The following TRPC3 variants were observed in gnomAD, a reference collection of about 807,000 sequenced individuals.
TRPC3 encodes short transient receptor potential channel 3.
Under a neutral mutation model 90.9 loss-of-function variants are expected in TRPC3, and 54 were observed. The ratio of observed to expected loss-of-function variants is 0.59; its 90% CI spans 0.48 to 0.75. TRPC3 has a LOEUF of 0.75. Among genes scored for constraint, TRPC3 ranks in the 30% least tolerant of loss-of-function variants. The pLI, the probability that TRPC3 is intolerant of heterozygous loss-of-function variation, is 0.00. For missense variants in TRPC3, 918 were observed against 1,194.5 expected (o/e 0.77, Z 3.41); for synonymous variants, 424 against 450.9 (o/e 0.94, Z 0.75).
chr4:121,893,118 CACA>C (rs1728388348), intron 10 of TRPC3, among the ~76,000 whole-genome samples: 1 of 53,546 alleles, frequency 1.9e-5, no homozygotes, highest in African/African-American at 7.2e-5. Flanking sequence ...CAGACTCTGT[CACA>C]AAAAAAAAAA....
chr4:121,881,398 C>T (rs549472532), intron 11 of TRPC3, among the ~76,000 whole-genome samples: 1 of 151,960 alleles, frequency 6.6e-6, no homozygotes, highest in South Asian at 2.1e-4. Context: ...TCCCTCTCCA[C>T]CCCCCATGGA....
intron 9 of TRPC3, among the ~76,000 whole-genome samples, chr4:121,900,517 CTT>C (rs1425277533): frequency 6.6e-6 from 1 of 152,176 alleles, no homozygotes; most frequent in African/African-American, 2.4e-5. Flanking sequence ...CATTTGTTCT[CTT>C]ACAATTGTGC....
At chr4:121,915,710 G>A (rs528574792) in intron 3 of TRPC3, among the ~76,000 whole-genome samples, 10 of 151,088 alleles carry the variant, frequency 6.6e-5, no homozygotes, top group South Asian at 2.1e-4. Flanking sequence ...TTTTTTTCCC[G>A]TTTGATTTTG....
intron 2 of TRPC3, among the ~76,000 whole-genome samples, chr4:121,926,581 A>G (rs1015948774): frequency 6.6e-6 from 1 of 151,442 alleles, no homozygotes; most frequent in Non-Finnish European, 1.5e-5. Context: ...TATCTTTTGT[A>G]TTTTCAGTAG....
Position 121,911,924 on chromosome 4 carries a change from G to T in TRPC3, c.1511C>A (p.Thr504Asn). The change falls in exon 5 of 12, where the codon ACC (threonine) becomes AAC (asparagine). Residue 504 changes from threonine (T) to asparagine (N), a missense_variant. Physicochemically the swap from Thr to Asn is moderately conservative, Grantham distance 65. Transcript: ENST00000379645. ...DYPKQIFRVK[T>N]TQFTWTEMLI... Reference sequence around the variant, plus strand: ...CATTTCAGTCCATGTAAACTGGGTGGTTTTCACCCTGAAGATCTGTTTGGG... The same window carrying T: ...CATTTCAGTCCATGTAAACTGGGTGTTTTTCACCCTGAAGATCTGTTTGGG... The T allele has an allele frequency of 6.2e-7, 1 of 1,613,804 alleles. No individual in the cohort carries two copies. The highest frequency in any genetic ancestry group is 8.5e-7 in the Non-Finnish European group (1 of 1,179,786).
intron 10 of TRPC3, among the ~76,000 whole-genome samples, chr4:121,898,412 C>T (rs1216689084): frequency 6.6e-6 from 1 of 152,140 alleles, no homozygotes; most frequent in Non-Finnish European, 1.5e-5. Context: ...ATTGTGAACC[C>T]TATTGTGAAC....
At position 121,896,794 on chromosome 4, in the gene TRPC3, C is replaced by A. The variant is rs76809873; in HGVS notation, c.2547+2818G>T. 1.7e-3 allele frequency among the ~76,000 whole-genome samples: 254 copies of A among 152,076 alleles called. 1 individual carries two copies. Among genetic ancestry groups the A allele is most frequent in the African/African-American group, 5.7e-3 (237 of 41,494 alleles). ...TATTCACAGAAATAGAAATAATATCCTAAAATTTGTAGGGAATCATAAAAG... is the reference window on the plus strand; with the variant it reads ...TATTCACAGAAATAGAAATAATATCATAAAATTTGTAGGGAATCATAAAAG... On this transcript the variant is annotated intron_variant, in intron 10 of 11. Transcript: ENST00000379645.
chr4:121,898,960 C>T (rs969456582), intron 10 of TRPC3, among the ~76,000 whole-genome samples: 1 of 152,126 alleles, frequency 6.6e-6, no homozygotes, highest in Admixed American at 6.5e-5. Context: ...GAACAATACG[C>T]AGTAACGGAC....
At chr4:121,948,062 A>G (rs1446209797) in intron 1 of TRPC3, among the ~76,000 whole-genome samples, 1 of 152,074 alleles carries the variant, frequency 6.6e-6, no homozygotes, top group Non-Finnish European at 1.5e-5. Flanking sequence ...GAGTAATCTC[A>G]TGTAGTCACA....
intron 1 of TRPC3, among the ~76,000 whole-genome samples, chr4:121,949,041 C>T (rs763068141): frequency 3.3e-5 from 5 of 152,178 alleles, no homozygotes; most frequent in Non-Finnish European, 7.3e-5. Context: ...TGCAAATATG[C>T]ACGCTTGAGA....
At chr4:121,927,886 T>C (rs1729773349) in intron 2 of TRPC3, among the ~76,000 whole-genome samples, 1 of 152,226 alleles carries the variant, frequency 6.6e-6, no homozygotes, top group Non-Finnish European at 1.5e-5. Context: ...TAAATATCCA[T>C]CTGCTTTCCA....
intron 1 of TRPC3, among the ~76,000 whole-genome samples, chr4:121,944,811 T>G (rs529102839): frequency 6.6e-6 from 1 of 152,322 alleles, no homozygotes; most frequent in South Asian, 2.1e-4. Flanking sequence ...TTAATACTAA[T>G]TAATAGTTTC....
chr4:121,932,367 C>A lies in TRPC3; in HGVS notation c.891G>T (p.Pro297=). ...CCTCGCTGGACAATGAGAGGTAAGC[C>A]GGGCTGGCCAGCCCCTTGTAGGCAT... ...RINAYKGLAS[P]AYLSLSSEDP... Residue 297 remains proline (P), a synonymous_variant, in exon 2 of 12, where the codon CCG becomes CCT. Coordinates refer to ENST00000379645, the MANE Select transcript of TRPC3 (RefSeq NM_001130698.2). The surrounding 1 kb of genome is among the most constrained non-coding windows in gnomAD (Gnocchi z 7.7). The A allele has an allele frequency of 6.2e-7, 1 of 1,614,120 alleles. No individual in the cohort carries two copies. The highest frequency in any genetic ancestry group is 8.5e-7 in the Non-Finnish European group (1 of 1,180,012).
intron 3 of TRPC3, among the ~76,000 whole-genome samples, chr4:121,924,598 G>A (rs1409781977): frequency 1.3e-5 from 2 of 152,176 alleles, no homozygotes; most frequent in African/African-American, 4.8e-5. Flanking sequence ...GGAATGCAGT[G>A]GTGCTATCAT....
chr4:121,877,208 T>A lies in TRPC3; in HGVS notation c.*2528A>T, dbSNP rs1204247863. Among the ~76,000 whole-genome samples, 1 of 152,236 alleles carries A rather than the reference T, an allele frequency of 6.6e-6. No individual in the cohort carries two copies. Among genetic ancestry groups the A allele is most frequent in the South Asian group, 2.1e-4 (1 of 4,830 alleles). On this transcript the variant is annotated 3_prime_UTR_variant, in exon 12 of 12. Coordinates refer to ENST00000379645, the MANE Select transcript of TRPC3 (RefSeq NM_001130698.2). ...ACCACATTAATACCTTATGGCTTAG[T>A]GTGAGTTCCCTAAAAGCAAAACCTA...
intron 3 of TRPC3, among the ~76,000 whole-genome samples, chr4:121,917,311 A>T (rs958406299): frequency 3.3e-5 from 5 of 152,142 alleles, no homozygotes; most frequent in Non-Finnish European, 7.3e-5. Context: ...ATATGTGACA[A>T]CTTTCTAGGA....
chr4:121,906,131 T>A (rs1020536560), intron 7 of TRPC3, among the ~76,000 whole-genome samples: 2 of 152,054 alleles, frequency 1.3e-5, no homozygotes, highest in Admixed American at 1.3e-4. Flanking sequence ...TACATAATTG[T>A]CACAACGACC....
intron 10 of TRPC3, among the ~76,000 whole-genome samples, chr4:121,884,394 G>A (rs1421208630): frequency 3.3e-5 from 5 of 152,106 alleles, no homozygotes; most frequent in African/African-American, 1.2e-4. Flanking sequence ...GACGGATAAT[G>A]TTATCATTGT....
chr4:121,910,299 C>T lies in TRPC3; in HGVS notation c.1647G>A (p.Met549Ile). The T allele has an allele frequency of 1.2e-6, 2 of 1,613,764 alleles. No individual in the cohort carries two copies. Among genetic ancestry groups the T allele is most frequent in the Non-Finnish European group, 8.5e-7 (1 of 1,179,702 alleles). The change falls in exon 6 of 12, where the codon ATG (methionine) becomes ATA (isoleucine). Residue 549 changes from methionine (M) to isoleucine (I), a missense_variant. By Grantham distance (10) the Met-to-Ile change is conservative. Around this residue, in one of 4 missense-constraint regions of TRPC3, gnomAD observed 147 missense variants for 263.5 expected, o/e 0.56. Transcript: ENST00000379645. The part of the protein sequence containing the change: ...LQLWNVLDFG[M>I]LSIFIAAFTA... ...TGAAAGCAGCAATGAAGATGGACAG[C>T]ATCCCAAAGTCAAGCACATTCCACA...
Sources: allele counts gnomAD v4.1 joint callset (sites outside exome capture counted in the v4.1 genomes callset), GRCh38; gene constraint gnomAD v4.1.1; regional missense constraint gnomAD v4.1.1; non-coding constraint Gnocchi (gnomAD v3.1); transcripts MANE v1.5; gene names NCBI Gene and HGNC (gene_info 2026-07-23, HGNC 2026-07-21).